PTPRD: variants seen among roughly 807,000 people sequenced by gnomAD.
The protein encoded by PTPRD is protein tyrosine phosphatase receptor type D, also known as receptor-type tyrosine-protein phosphatase delta.
A neutral mutation model predicts 214.5 loss-of-function variants in PTPRD; 34 were observed. The observed-to-expected ratio is 0.16, with a 90% CI of 0.12 to 0.21. The LOEUF (loss-of-function observed/expected upper bound fraction) is 0.21. Ranked by LOEUF, PTPRD falls within the 10% of genes least tolerant of loss-of-function variation. PTPRD has a pLI of 1.00. For synonymous variants in PTPRD, 1,128 were observed against 845.7 expected (o/e 1.33, Z -5.79); for missense variants, 2,545 against 2,398.7 (o/e 1.06, Z -1.27).
intron 10 of PTPRD, among the ~76,000 whole-genome samples, chr9:9,137,714 A>T (rs2099853153): frequency 6.6e-6 from 1 of 152,176 alleles, no homozygotes; most frequent in African/African-American, 2.4e-5. Flanking sequence ...GTACTCTCAC[A>T]GGACATTGTA....
chr9:9,881,918 T>C (rs10119322), intron 5 of PTPRD, among the ~76,000 whole-genome samples: 13,335 of 151,980 alleles, frequency 0.088, 1,401 homozygotes, highest in African/African-American at 0.25. Flanking sequence ...TGAAAGACCA[T>C]AGGGGCAGAG....
intron 2 of PTPRD, among the ~76,000 whole-genome samples, chr9:10,541,557 A>T (rs1323099178): frequency 6.6e-6 from 1 of 151,868 alleles, no homozygotes; most frequent in East Asian, 1.9e-4. Context: ...ATAATACACA[A>T]ATAAAAATAA....
chr9:8,448,632 C>T (rs1195442107), intron 34 of PTPRD, among the ~76,000 whole-genome samples: 1 of 152,008 alleles, frequency 6.6e-6, no homozygotes. Context: ...TTTTTAAATA[C>T]CGACATTATG....
intron 9 of PTPRD, among the ~76,000 whole-genome samples, chr9:9,331,687 T>G (rs536294504): frequency 6.6e-6 from 1 of 152,164 alleles, no homozygotes; most frequent in East Asian, 1.9e-4. Flanking sequence ...CAGGTAACAT[T>G]TACAGAATAG....
At chr9:9,059,031 T>C (rs1459683408) in intron 10 of PTPRD, among the ~76,000 whole-genome samples, 2 of 152,032 alleles carry the variant, frequency 1.3e-5, no homozygotes, top group Non-Finnish European at 2.9e-5. Flanking sequence ...GTAGGTCTTA[T>C]ACTTAGGGAG....
At chr9:10,093,863 C>T (rs1325384161) in intron 3 of PTPRD, among the ~76,000 whole-genome samples, 1 of 151,412 alleles carries the variant, frequency 6.6e-6, no homozygotes, top group Non-Finnish European at 1.5e-5. Flanking sequence ...CATGTTCTCA[C>T]TTGTAAATGG....
chr9:10,157,570 T>G (rs1320318159), intron 3 of PTPRD, among the ~76,000 whole-genome samples: 1 of 152,194 alleles, frequency 6.6e-6, no homozygotes, highest in African/African-American at 2.4e-5. Flanking sequence ...AACATTTTTT[T>G]TCCTTTCATT....
intron 35 of PTPRD, among the ~76,000 whole-genome samples, chr9:8,427,264 A>C (rs1235890652): frequency 6.6e-6 from 1 of 152,184 alleles, no homozygotes; most frequent in Non-Finnish European, 1.5e-5. Flanking sequence ...CTATTTTCTG[A>C]GAGAAAAGAG....
chr9:10,225,266 T>C (rs1450910499), intron 3 of PTPRD, among the ~76,000 whole-genome samples: 2 of 152,080 alleles, frequency 1.3e-5, no homozygotes, highest in African/African-American at 4.8e-5. Flanking sequence ...TTATGGTTAC[T>C]ATAATCACAA....
intron 3 of PTPRD, among the ~76,000 whole-genome samples, chr9:10,337,844 C>G (rs960632995): frequency 1.3e-5 from 2 of 151,618 alleles, no homozygotes; most frequent in African/African-American, 4.8e-5. Context: ...CAATTTTACC[C>G]GTATAACATT....
At chr9:9,291,565 G>T (rs1481893847) in intron 9 of PTPRD, among the ~76,000 whole-genome samples, 2 of 151,266 alleles carry the variant, frequency 1.3e-5, no homozygotes, top group Non-Finnish European at 1.5e-5. Flanking sequence ...TTTGTAATAT[G>T]TGATTAACTT....
intron 10 of PTPRD, among the ~76,000 whole-genome samples, chr9:9,058,598 C>CG (rs2154399572): frequency 6.6e-6 from 1 of 150,664 alleles, no homozygotes; most frequent in South Asian, 2.1e-4. Context: ...TACAGGCTCC[C>CG]GCCACCTCGC....
chr9:9,589,434 T>C (rs1034024451), intron 7 of PTPRD, among the ~76,000 whole-genome samples: 7 of 151,980 alleles, frequency 4.6e-5, no homozygotes, highest in African/African-American at 1.7e-4. Flanking sequence ...ATAGAACAAG[T>C]AATACTGATT....
At chr9:8,359,708 T>G (rs1412256436) in intron 39 of PTPRD, among the ~76,000 whole-genome samples, 1 of 152,114 alleles carries the variant, frequency 6.6e-6, no homozygotes, top group African/African-American at 2.4e-5. Flanking sequence ...ATCAAGCCAT[T>G]CTCTTGCATT....
chr9:9,615,372 G>A (rs546315987), intron 7 of PTPRD, among the ~76,000 whole-genome samples: 13 of 152,248 alleles, frequency 8.5e-5, no homozygotes, highest in African/African-American at 2.4e-4. Flanking sequence ...AAAGGGTGGC[G>A]TGTTTGTGAA....
intron 11 of PTPRD, among the ~76,000 whole-genome samples, chr9:8,916,323 T>TTTA (rs1193274013): frequency 1.3e-5 from 2 of 152,276 alleles, no homozygotes; most frequent in East Asian, 3.9e-4. Flanking sequence ...AATTATGACA[T>TTTA]TTATTATGAC....
intron 3 of PTPRD, among the ~76,000 whole-genome samples, chr9:10,083,005 C>T (rs2098269063): frequency 6.6e-6 from 1 of 151,932 alleles, no homozygotes. Context: ...ACATTAAAGA[C>T]TTTCTCCCTC....
chr9:8,587,322 T>C (rs987511248), intron 14 of PTPRD, among the ~76,000 whole-genome samples: 1 of 152,246 alleles, frequency 6.6e-6, no homozygotes, highest in African/African-American at 2.4e-5. Context: ...TGGATTTATT[T>C]AGATTTTATA....
chr9:9,256,898 T>C (rs1261597578), intron 9 of PTPRD, among the ~76,000 whole-genome samples: 3 of 152,012 alleles, frequency 2.0e-5, no homozygotes, highest in South Asian at 2.1e-4. Context: ...GGGTCTTCTG[T>C]ATTTCCCTTC....
Sources: allele counts gnomAD v4.1 joint callset (sites outside exome capture counted in the v4.1 genomes callset), GRCh38; gene constraint gnomAD v4.1.1; transcripts MANE v1.5; gene names NCBI Gene and HGNC (gene_info 2026-07-23, HGNC 2026-07-21).